The following SLC16A7 variants were observed in gnomAD, a reference collection of about 807,000 sequenced individuals.
SLC16A7 encodes monocarboxylate transporter 2.
Under a neutral mutation model 34.9 loss-of-function variants are expected in SLC16A7, and 33 were observed. The ratio of observed to expected loss-of-function variants is 0.94; its 90% CI spans 0.72 to 1.26. SLC16A7 has a LOEUF of 1.26. SLC16A7 is among the 50% of genes most tolerant of loss of function. The pLI is 0.00. For synonymous variants in SLC16A7, 201 were observed against 206.6 expected (o/e 0.97, Z 0.23); for missense variants, 573 against 578.1 (o/e 0.99, Z 0.09).
chr12:59,689,100 C>G (rs1292425846), intron 2 of SLC16A7, among the ~76,000 whole-genome samples: 2 of 151,722 alleles, frequency 1.3e-5, no homozygotes, highest in Non-Finnish European at 2.9e-5. Context: ...TATTTTTAAA[C>G]TAAAAATTAT....
At chr12:59,659,450 C>T (rs914422513) in intron 2 of SLC16A7, among the ~76,000 whole-genome samples, 1 of 152,120 alleles carries the variant, frequency 6.6e-6, no homozygotes, top group Non-Finnish European at 1.5e-5. Flanking sequence ...TCTATTATTC[C>T]AGCGAGTGAC....
In SLC16A7 at chr12:59,623,797, CTTGTT is replaced by C. The variant is rs764546744; in HGVS notation, c.-130+27565_-130+27569del. 2.5e-3 allele frequency among the ~76,000 whole-genome samples: 379 copies of C among 151,622 alleles called. 2 individuals carry two copies. The highest frequency in any genetic ancestry group is 0.019 in the Middle Eastern group (5 of 270). ...AGGATGTTTAAGAAAATAACAGAGT[CTTGTT>C]TTGATCTCTTAAAGGGATAGCACTA... On this transcript the variant is annotated intron_variant, in intron 1 of 5. Coordinates refer to ENST00000547379, the MANE Select transcript of SLC16A7 (RefSeq NM_001270623.2).
At chr12:59,687,052 T>C (rs1327235858) in intron 2 of SLC16A7, among the ~76,000 whole-genome samples, 1 of 151,960 alleles carries the variant, frequency 6.6e-6, no homozygotes, top group African/African-American at 2.4e-5. Context: ...ATATATATAA[T>C]TTTTACTTGT....
intron 2 of SLC16A7, among the ~76,000 whole-genome samples, chr12:59,683,652 G>T (rs1039347601): frequency 6.6e-6 from 1 of 152,132 alleles, no homozygotes; most frequent in Non-Finnish European, 1.5e-5. Context: ...AGCAATAAAT[G>T]AAGAATTTAA....
chr12:59,756,887 A>G (rs1310610780), intron 3 of SLC16A7, among the ~76,000 whole-genome samples: 4 of 131,238 alleles, frequency 3.0e-5, no homozygotes, highest in Admixed American at 7.7e-5. Context: ...CTGGATTCAG[A>G]AAATGTGGCA....
At chr12:59,777,719 T>A (rs566833911) in intron 5 of SLC16A7, among the ~76,000 whole-genome samples, 2 of 151,932 alleles carry the variant, frequency 1.3e-5, no homozygotes, top group Non-Finnish European at 2.9e-5. Context: ...TAGTTACATA[T>A]GTATGCATGT....
intron 1 of SLC16A7, among the ~76,000 whole-genome samples, chr12:59,622,262 C>T (rs909751500): frequency 6.6e-6 from 1 of 151,750 alleles, no homozygotes; most frequent in African/African-American, 2.4e-5. Context: ...TTCTTCCAGG[C>T]TGAAAAAACG....
At position 59,777,892 on chromosome 12, in the gene SLC16A7, A is replaced by G. The variant is rs561652204; in HGVS notation, c.1181-1531A>G. On this transcript the variant is annotated intron_variant, in intron 5 of 5. Transcript: ENST00000547379. The stretch of plus-strand genomic sequence containing the variant: ...TGTTCAATTCCCACCTATGAGTGAG[A>G]ATATGCAGTGTTTGGTTTTTTGTTC... 3.4e-5 allele frequency among the ~76,000 whole-genome samples: 5 copies of G among 145,374 alleles called. No homozygotes were observed. The East Asian group carries it at 1.0e-3, about 30-fold the overall frequency.
chr12:59,740,903 C>G (rs535787129), intron 3 of SLC16A7, among the ~76,000 whole-genome samples: 7 of 152,236 alleles, frequency 4.6e-5, no homozygotes, highest in African/African-American at 1.4e-4. Context: ...CACAAGCATT[C>G]TTATACACCA....
Position 59,783,141 on chromosome 12 carries a change from A to AT in SLC16A7, c.*3468dup, listed in dbSNP as rs77663935. 152 of 152,288 alleles carry AT rather than the reference A, an allele frequency of 1.0e-3. 3 individuals are homozygous for AT. In the East Asian group the frequency reaches 0.027, roughly 27 times the overall value. 9.4% of individuals were successfully genotyped at this position (152,288 alleles called of 1,614,324 possible). On this transcript the variant is annotated 3_prime_UTR_variant, in exon 6 of 6. Transcript: ENST00000547379. ...ATATTCTTGGTCAGTTGGTTGAAACATTTTTTATCTAAAACACCTTTAAAA... is the reference window on the plus strand; with the variant it reads ...ATATTCTTGGTCAGTTGGTTGAAACATTTTTTTATCTAAAACACCTTTAAAA...
chr12:59,612,960 C>G (rs143583664), intron 1 of SLC16A7, among the ~76,000 whole-genome samples: 1 of 152,214 alleles, frequency 6.6e-6, no homozygotes, highest in Non-Finnish European at 1.5e-5. Context: ...CTGTTCCAAC[C>G]TCTGCCTATT....
chr12:59,738,072 T>C (rs1276920336), intron 3 of SLC16A7, among the ~76,000 whole-genome samples: 1 of 152,228 alleles, frequency 6.6e-6, no homozygotes, highest in African/African-American at 2.4e-5. Flanking sequence ...TGCATTCTCA[T>C]GGTGCTTTAT....
At chr12:59,764,555 T>A (rs901129891) in intron 3 of SLC16A7, among the ~76,000 whole-genome samples, 1 of 149,676 alleles carries the variant, frequency 6.7e-6, no homozygotes, top group African/African-American at 2.5e-5. Context: ...ATTGTTCAAT[T>A]CCCACCTGTG....
Position 59,767,669 on chromosome 12 carries a change from G to C in SLC16A7, c.218-3550G>C, listed in dbSNP as rs117460586. On this transcript the variant is annotated intron_variant, in intron 3 of 5. Coordinates refer to ENST00000547379, the MANE Select transcript of SLC16A7 (RefSeq NM_001270623.2). The stretch of plus-strand genomic sequence containing the variant: ...TTGAGACCTGCTGCTAAGAAAAAAA[G>C]TTCCTTTCAAAATATTACTGCTTAT... Among the ~76,000 whole-genome samples, 13 of 152,222 alleles carry C rather than the reference G, an allele frequency of 8.5e-5. No homozygotes were observed. The East Asian group carries it at 2.1e-3, about 25-fold the overall frequency.
intron 1 of SLC16A7, among the ~76,000 whole-genome samples, chr12:59,631,706 G>T (rs535452558): frequency 6.6e-5 from 10 of 152,074 alleles, no homozygotes; most frequent in Admixed American, 2.6e-4. Context: ...GCCCCAGTGT[G>T]TATTGTTCCC....
chr12:59,756,425 C>A (rs1039206872), intron 3 of SLC16A7, among the ~76,000 whole-genome samples: 7 of 151,670 alleles, frequency 4.6e-5, no homozygotes, highest in African/African-American at 1.7e-4. Flanking sequence ...AAACAAACAA[C>A]CCCATCAAAA....
At chr12:59,752,364 T>G (rs561881032) in intron 3 of SLC16A7, among the ~76,000 whole-genome samples, 3 of 152,080 alleles carry the variant, frequency 2.0e-5, no homozygotes, top group African/African-American at 7.2e-5. Flanking sequence ...TGAAAAAAAT[T>G]TAGACGAATG....
intron 2 of SLC16A7, among the ~76,000 whole-genome samples, chr12:59,698,404 C>T (rs932077474): frequency 2.0e-5 from 3 of 151,486 alleles, no homozygotes; most frequent in Non-Finnish European, 3.0e-5. Context: ...ATATTTACTG[C>T]ATTTGTTGTT....
Position 59,784,152 on chromosome 12 carries a change from A to C in SLC16A7, c.*4473A>C, listed in dbSNP as rs1883452251. ...TTTCTGAGGTTGGAGTTAGCAGGAA[A>C]ATGTTATCTTTTATGAATAAATAAT... On this transcript the variant is annotated 3_prime_UTR_variant, in exon 6 of 6. Transcript: ENST00000547379. 1 of 152,192 alleles carries C rather than the reference A, an allele frequency of 6.6e-6. No homozygotes were observed. The highest frequency in any genetic ancestry group is 1.5e-5 in the Non-Finnish European group (1 of 68,038). The allele number at this position is 152,192 out of a possible 1,614,324, so 9.4% of individuals were successfully genotyped here.
Sources: gnomAD v4.1 joint callset for allele counts (sites outside exome capture counted in the v4.1 genomes callset) on GRCh38, gnomAD v4.1.1 for gene constraint, MANE v1.5 for transcripts, NCBI Gene and HGNC (gene_info 2026-07-23, HGNC 2026-07-21) for gene names.